PREX1: variants seen among roughly 807,000 people sequenced by gnomAD.
PREX1 encodes the protein phosphatidylinositol-3,4,5-trisphosphate dependent Rac exchange factor 1.
PREX1 carries 41 observed loss-of-function variants against 198.3 expected under a neutral mutation model. The observed-to-expected ratio is 0.21, with a 90% CI of 0.16 to 0.27. The LOEUF (loss-of-function observed/expected upper bound fraction) is 0.27, where lower values mean the gene tolerates loss of function less well. PREX1 is among the 10% of genes least tolerant of loss of function. The pLI is 1.00. For synonymous variants in PREX1, 843 were observed against 887.2 expected (o/e 0.95, Z 0.89); for missense variants, 1,620 against 2,200.7 (o/e 0.74, Z 5.28).
At chr20:48,798,035 G>A (rs141620522) in intron 1 of PREX1, among the ~76,000 whole-genome samples, 1 of 152,304 alleles carries the variant, frequency 6.6e-6, no homozygotes, top group African/African-American at 2.4e-5. Context: ...AACCTTTAAG[G>A]GTTGGGAAGA....
intron 3 of PREX1, among the ~76,000 whole-genome samples, chr20:48,741,062 G>GCA (rs1159814135): frequency 6.6e-6 from 1 of 151,496 alleles, no homozygotes; most frequent in African/African-American, 2.4e-5. Context: ...GGGCTGGTGT[G>GCA]CAGTGGCACA....
chr20:48,814,118 G>C (rs2090448831), intron 1 of PREX1, among the ~76,000 whole-genome samples: 1 of 152,194 alleles, frequency 6.6e-6, no homozygotes, highest in Admixed American at 6.5e-5. Context: ...CCCTACACGT[G>C]GGTTCATGCT....
In PREX1 at chr20:48,681,232, C is replaced by T. The variant is rs1300803195; in HGVS notation, c.1435+3G>A. The stretch of plus-strand genomic sequence containing the variant: ...GCCCAGCTGGGCCCAGCCCTCCACT[C>T]ACCATGGTGGATGATGCCATTCTCC... On this transcript the variant is annotated splice_donor_region_variant and intron_variant, in intron 11 of 39. Transcript: ENST00000371941. 2.5e-6 allele frequency: 4 copies of T among 1,613,612 alleles called. No homozygotes were observed. The highest frequency in any genetic ancestry group is 3.4e-6 in the Non-Finnish European group (4 of 1,179,828).
At chr20:48,755,911 C>T (rs928040698) in intron 1 of PREX1, among the ~76,000 whole-genome samples, 2 of 152,100 alleles carry the variant, frequency 1.3e-5, no homozygotes, top group African/African-American at 4.8e-5. Flanking sequence ...AACATAAATG[C>T]ATGTTTTTAT....
At chr20:48,692,474 G>C (rs1201986599) in intron 8 of PREX1, 198 bp downstream of exon 8, 1 of 502,014 alleles carries the variant, frequency 2.0e-6, no homozygotes, top group East Asian at 3.1e-5. Flanking sequence ...GGAAGGATTT[G>C]GGGTGCAGTG....
the PREX1 span, among the ~76,000 whole-genome samples, chr20:48,883,388 G>C: frequency 1.3e-5 from 2 of 151,984 alleles, no homozygotes; most frequent in Non-Finnish European, 2.9e-5. Context: ...TATTGTACTG[G>C]ACATTCTAGC....
At chr20:48,630,903 C>G in intron 35 of PREX1, 109 bp from the exon 36 acceptor site, 2 of 813,552 alleles carry the variant, frequency 2.5e-6, no homozygotes, top group Non-Finnish European at 2.0e-6. Context: ...TCTGCCGACT[C>G]TCAGAATGAA....
intron 1 of PREX1, among the ~76,000 whole-genome samples, chr20:48,824,371 C>T (rs988388287): frequency 6.6e-6 from 1 of 152,068 alleles, no homozygotes; most frequent in African/African-American, 2.4e-5. Flanking sequence ...TTCCTGTGGC[C>T]GGAGTTTAGG....
chr20:48,805,951 C>G (rs1418277488), intron 1 of PREX1, among the ~76,000 whole-genome samples: 8 of 152,222 alleles, frequency 5.3e-5, no homozygotes, highest in African/African-American at 1.7e-4. Flanking sequence ...ATGTGCTGAG[C>G]TCTCAGGATG....
intron 25 of PREX1, among the ~76,000 whole-genome samples, chr20:48,647,159 G>A (rs548540598): frequency 6.6e-6 from 1 of 152,190 alleles, no homozygotes; most frequent in Admixed American, 6.5e-5. Flanking sequence ...GAGCCCAGGA[G>A]TTCGAGGCTG....
intron 5 of PREX1, among the ~76,000 whole-genome samples, chr20:48,711,474 G>A (rs2089930474): frequency 6.6e-6 from 1 of 152,122 alleles, no homozygotes; most frequent in Non-Finnish European, 1.5e-5. Flanking sequence ...GGTGGGCAGG[G>A]ACAGAGGCTG....
intron 29 of PREX1, 104 bp downstream of exon 29, chr20:48,642,064 G>A (rs1048421343): frequency 2.0e-5 from 24 of 1,199,346 alleles, no homozygotes; most frequent in Admixed American, 7.8e-5. Context: ...TCCTACAGTC[G>A]TTCAGCAGTA....
At chr20:48,795,201 C>G (rs1455679209) in intron 1 of PREX1, among the ~76,000 whole-genome samples, 1 of 152,090 alleles carries the variant, frequency 6.6e-6, no homozygotes, top group Non-Finnish European at 1.5e-5. Flanking sequence ...AGAACTGTAC[C>G]TGGCAGAGCT....
Position 48,691,231 on chromosome 20 carries a change from C to T in PREX1, c.1037-135G>A. 9.3e-7 allele frequency: 1 copy of T among 1,079,806 alleles called. No individual in the cohort carries two copies. The allele number at this position is 1,079,806 out of a possible 1,614,324, so 66.9% of individuals were successfully genotyped here. A position where few individuals can be genotyped will look rare whatever the true frequency, so the allele number is the denominator to read the frequency against. On this transcript the variant is annotated intron_variant, in intron 8 of 39. Transcript: ENST00000371941. The surrounding 1 kb of genome is among the most constrained non-coding windows in gnomAD (Gnocchi z 5.0). Reference sequence around the variant, plus strand: ...CAGGATGGGGAGCTGGACTTCCAGCCCTTCAAACGCTCACTTCTTATCCTT... The same window carrying T: ...CAGGATGGGGAGCTGGACTTCCAGCTCTTCAAACGCTCACTTCTTATCCTT...
the PREX1 span, among the ~76,000 whole-genome samples, chr20:48,854,890 G>T: frequency 6.6e-6 from 1 of 152,176 alleles, no homozygotes; most frequent in Middle Eastern, 3.2e-3. Flanking sequence ...GATGGAAACA[G>T]TCAACCATGT....
chr20:48,755,410 C>T (rs1490549891), intron 1 of PREX1, among the ~76,000 whole-genome samples: 1 of 152,162 alleles, frequency 6.6e-6, no homozygotes, highest in African/African-American at 2.4e-5. Flanking sequence ...CTGTATTTCC[C>T]AGCATCCCTT....
At chr20:48,678,003 A>T (rs1054625460) in intron 13 of PREX1, among the ~76,000 whole-genome samples, 1 of 151,828 alleles carries the variant, frequency 6.6e-6, no homozygotes, top group African/African-American at 2.4e-5. Context: ...GAAAAAAAAG[A>T]AAAAGAAAAA....
At chr20:48,820,099 A>G (rs1051204824) in intron 1 of PREX1, among the ~76,000 whole-genome samples, 2 of 152,258 alleles carry the variant, frequency 1.3e-5, no homozygotes, top group East Asian at 1.9e-4. Flanking sequence ...ATCCTGGGGA[A>G]GGAATCAGGC....
At chr20:48,629,317 C>G (rs977664994) in intron 37 of PREX1, 132 bp downstream of exon 37, 30 of 1,267,244 alleles carry the variant, frequency 2.4e-5, no homozygotes, top group African/African-American at 4.5e-5. Context: ...GCAGACAGAG[C>G]CAAGGCTCTA....
Sources: gnomAD v4.1 joint callset for allele counts (sites outside exome capture counted in the v4.1 genomes callset) on GRCh38, gnomAD v4.1.1 for gene constraint, Gnocchi (gnomAD v3.1) non-coding constraint, MANE v1.5 for transcripts, NCBI Gene and HGNC (gene_info 2026-07-23, HGNC 2026-07-21) for gene names.